RALGPS2: variants seen among roughly 807,000 people sequenced by gnomAD.
The protein encoded by RALGPS2 is Ral GEF with PH domain and SH3 binding motif 2.
A neutral mutation model predicts 86.8 loss-of-function variants in RALGPS2; 43 were observed. The ratio of observed to expected loss-of-function variants is 0.50; its 90% CI spans 0.39 to 0.64. The LOEUF is 0.64. RALGPS2 is among the 30% of genes least tolerant of loss of function. The pLI is 0.00. For missense variants in RALGPS2, 536 were observed against 694.6 expected (o/e 0.77, Z 2.57); for synonymous variants, 243 against 231.3 (o/e 1.05, Z -0.46).
chr1:178,761,762 T>C (rs1213091009), intron 1 of RALGPS2, among the ~76,000 whole-genome samples: 6 of 152,056 alleles, frequency 3.9e-5, no homozygotes, highest in Admixed American at 2.6e-4. Context: ...GGTCTCAACA[T>C]GTTGGCCAGG....
At chr1:178,728,167 TTC>T (rs1367216352) in intron 1 of RALGPS2, among the ~76,000 whole-genome samples, 1 of 152,192 alleles carries the variant, frequency 6.6e-6, no homozygotes, top group African/African-American at 2.4e-5. Context: ...GCTGAAAATA[TTC>T]TCTCGGCATT....
rs1401561600 is a variant in RALGPS2 at position 178,921,705 on chromosome 1, C to T, written c.*5346C>T. The T allele has an allele frequency of 6.6e-6, 1 of 151,990 alleles. No homozygotes were observed. Among genetic ancestry groups the T allele is most frequent in the East Asian group, 1.9e-4 (1 of 5,192 alleles). 9.4% of individuals were successfully genotyped at this position (151,990 alleles called of 1,614,324 possible). ...TCCTTGAGTGATGTGCAGCTTGGTT[C>T]CTCTCTCACTTTTTGTTTCTTTTTA... On this transcript the variant is annotated 3_prime_UTR_variant, in exon 20 of 20. Coordinates refer to ENST00000367635, the MANE Select transcript of RALGPS2 (RefSeq NM_152663.5).
chr1:178,902,055 A>G (rs766586978), intron 17 of RALGPS2, 51 bp from the exon 18 acceptor site: 4 of 1,389,596 alleles, frequency 2.9e-6, no homozygotes, highest in Non-Finnish European at 4.1e-6. Context: ...AAGTTTTGCT[A>G]GAATAAACCA....
intron 1 of RALGPS2, among the ~76,000 whole-genome samples, chr1:178,770,438 T>TTA (rs1325975765): frequency 2.6e-5 from 4 of 152,136 alleles, no homozygotes; most frequent in Non-Finnish European, 4.4e-5. Context: ...ATCATTCACT[T>TTA]TATTTTCTCT....
At chr1:178,794,805 A>G (rs1304329074) in intron 4 of RALGPS2, among the ~76,000 whole-genome samples, 2 of 152,162 alleles carry the variant, frequency 1.3e-5, no homozygotes, top group Non-Finnish European at 2.9e-5. Context: ...TACATTGGAT[A>G]CTGTTTGCCT....
chr1:178,813,553 G>A (rs1655092016), intron 6 of RALGPS2, among the ~76,000 whole-genome samples: 1 of 152,034 alleles, frequency 6.6e-6, no homozygotes, highest in Non-Finnish European at 1.5e-5. Flanking sequence ...CTTGAGTATT[G>A]TTATCAGTCA....
At chr1:178,820,573 A>C (rs1004782559) in intron 6 of RALGPS2, among the ~76,000 whole-genome samples, 2 of 152,124 alleles carry the variant, frequency 1.3e-5, no homozygotes, top group Admixed American at 6.5e-5. Context: ...GTAGAACCCT[A>C]TATATACTTT....
chr1:178,815,240 C>T (rs1002485472), intron 6 of RALGPS2, among the ~76,000 whole-genome samples: 4 of 152,112 alleles, frequency 2.6e-5, no homozygotes, highest in Admixed American at 6.5e-5. Context: ...ACCACCATGC[C>T]CAGTTAATTT....
At position 178,732,445 on chromosome 1, in the gene RALGPS2, C is replaced by T. The variant is rs113887813; in HGVS notation, c.-84+7026C>T. Among the ~76,000 whole-genome samples, 20 of 152,162 alleles carry T rather than the reference C, an allele frequency of 1.3e-4. No individual in the cohort carries two copies. In the Middle Eastern group the frequency reaches 0.014, roughly 104 times the overall value. On this transcript the variant is annotated intron_variant, in intron 1 of 19. Coordinates refer to ENST00000367635, the MANE Select transcript of RALGPS2 (RefSeq NM_152663.5). Reference sequence around the variant, plus strand: ...TCCCAAGTAGCTGGGACTACAGTTGCGTGCCACCACATCCGGCTAATTTTT... The same window carrying T: ...TCCCAAGTAGCTGGGACTACAGTTGTGTGCCACCACATCCGGCTAATTTTT...
At chr1:178,883,413 T>C (rs1659345454) in intron 10 of RALGPS2, 53 bp from the exon 11 acceptor site, 7 of 1,358,154 alleles carry the variant, frequency 5.2e-6, no homozygotes, top group Non-Finnish European at 6.3e-6. Context: ...TTTAATCTTA[T>C]TTTGTCAAAT....
chr1:178,739,684 A>G (rs1650914324), intron 1 of RALGPS2, among the ~76,000 whole-genome samples: 1 of 152,204 alleles, frequency 6.6e-6, no homozygotes, highest in African/African-American at 2.4e-5. Flanking sequence ...ATTGTTATTC[A>G]CTAACTTAGC....
At chr1:178,745,219 T>C (rs962587830) in intron 1 of RALGPS2, among the ~76,000 whole-genome samples, 8 of 152,174 alleles carry the variant, frequency 5.3e-5, no homozygotes, top group African/African-American at 1.9e-4. Flanking sequence ...CCAGTCAAAA[T>C]GCCAGCAGGC....
In RALGPS2 at chr1:178,765,194, G is replaced by A. The variant is rs540827990; in HGVS notation, c.-83-11488G>A. On this transcript the variant is annotated intron_variant, in intron 1 of 19. Coordinates refer to ENST00000367635, the MANE Select transcript of RALGPS2 (RefSeq NM_152663.5). ...TTTTTATACAGAGTCTTGCTCTGTC[G>A]CCCAGGCTGGAGTTCAGTGGTGCAG... 2.7e-5 allele frequency among the ~76,000 whole-genome samples: 4 copies of A among 149,964 alleles called. No individual in the cohort carries two copies. In the South Asian group the frequency reaches 6.3e-4, roughly 24 times the overall value.
chr1:178,746,451 A>G (rs960946044), intron 1 of RALGPS2, among the ~76,000 whole-genome samples: 1 of 152,222 alleles, frequency 6.6e-6, no homozygotes, highest in Non-Finnish European at 1.5e-5. Flanking sequence ...ATCTTTCTAC[A>G]TTTCATACAT....
intron 8 of RALGPS2, among the ~76,000 whole-genome samples, chr1:178,866,234 C>T (rs1183488277): frequency 2.6e-5 from 4 of 152,146 alleles, no homozygotes; most frequent in Non-Finnish European, 5.9e-5. Context: ...TCTTGCCTAA[C>T]TAGTATTAAA....
At position 178,888,764 on chromosome 1, in the gene RALGPS2, C is replaced by T. The variant is rs998686734; in HGVS notation, c.1193-878C>T. On this transcript the variant is annotated intron_variant, in intron 13 of 19. Coordinates refer to ENST00000367635, the MANE Select transcript of RALGPS2 (RefSeq NM_152663.5). ...AACCCGTAGAAGGGTATTAATCCAT[C>T]GTCTCTAAGAGAGACGAGTCTAATG... Among the ~76,000 whole-genome samples the T allele has an allele frequency of 4.6e-5, 7 of 152,194 alleles. No individual in the cohort carries two copies. The East Asian group carries it at 5.8e-4, about 13-fold the overall frequency.
intron 8 of RALGPS2, among the ~76,000 whole-genome samples, chr1:178,869,980 TA>T (rs1194124562): frequency 6.6e-6 from 1 of 152,120 alleles, no homozygotes; most frequent in Admixed American, 6.6e-5. Context: ...TGAATTTAAT[TA>T]CATCTTCTGG....
At chr1:178,867,900 C>T (rs1323098242) in intron 8 of RALGPS2, among the ~76,000 whole-genome samples, 1 of 151,926 alleles carries the variant, frequency 6.6e-6, no homozygotes, top group African/African-American at 2.4e-5. Context: ...CTTTCTAAAA[C>T]CATGTTCCTT....
intron 8 of RALGPS2, among the ~76,000 whole-genome samples, chr1:178,834,912 G>A (rs892837250): frequency 6.6e-6 from 1 of 152,292 alleles, no homozygotes; most frequent in Admixed American, 6.5e-5. Flanking sequence ...CAAGTAGCTG[G>A]GATTACAGGC....
Sources: allele counts gnomAD v4.1 joint callset (sites outside exome capture counted in the v4.1 genomes callset), GRCh38; gene constraint gnomAD v4.1.1; transcripts MANE v1.5; gene names NCBI Gene and HGNC (gene_info 2026-07-23, HGNC 2026-07-21).